Variants in UBE4B observed in about 807,000 individuals in gnomAD.
UBE4B encodes ubiquitin conjugation factor E4 B.
Under a neutral mutation model 148.1 loss-of-function variants are expected in UBE4B, and 27 were observed. The ratio of observed to expected loss-of-function variants is 0.18; its 90% CI spans 0.13 to 0.25. The LOEUF is 0.25. UBE4B is among the 10% of genes least tolerant of loss of function. UBE4B has a pLI of 1.00. For synonymous variants in UBE4B, 596 were observed against 619.3 expected (o/e 0.96, Z 0.56); for missense variants, 1,170 against 1,662.4 (o/e 0.70, Z 5.15).
At chr1:10,094,029 C>T (rs1644891194) in intron 2 of UBE4B, among the ~76,000 whole-genome samples, 1 of 152,086 alleles carries the variant, frequency 6.6e-6, no homozygotes, top group South Asian at 2.1e-4. Context: ...TTTTCCTTTT[C>T]AGCACCATAG....
At position 10,106,457 on chromosome 1, in the gene UBE4B, C is replaced by A. The variant is rs1284141946; in HGVS notation, c.1070C>A (p.Ala357Asp). ...LSSSPSPPAL[A>D]SSPQAVPASS... The stretch of plus-strand genomic sequence containing the variant: ...AGCTCCCCAAGTCCCCCTGCCCTCG[C>A]CAGTAGCCCCCAAGCAGTGCCCGCC... The change falls in exon 7 of 28, where the codon GCC (alanine) becomes GAC (aspartate). Residue 357 changes from alanine to aspartate, a missense_variant. Coordinates refer to ENST00000343090, the MANE Select transcript of UBE4B (RefSeq NM_001105562.3). The surrounding 1 kb of genome is among the most constrained non-coding windows in gnomAD (Gnocchi z 4.2). The A allele has an allele frequency of 6.2e-7, 1 of 1,614,026 alleles. No homozygotes were observed. Among genetic ancestry groups the A allele is most frequent in the Non-Finnish European group, 8.5e-7 (1 of 1,180,004 alleles).
chr1:10,120,306 A>G (rs932615426), intron 9 of UBE4B, among the ~76,000 whole-genome samples: 12 of 152,158 alleles, frequency 7.9e-5, no homozygotes, highest in Non-Finnish European at 1.2e-4. Context: ...GGATCACCTG[A>G]GGTCAGGAGT....
intron 19 of UBE4B, 69 bp downstream of exon 19, chr1:10,147,159 A>G (rs1341664820): frequency 2.5e-6 from 4 of 1,600,546 alleles, no homozygotes; most frequent in African/African-American, 1.3e-5. Flanking sequence ...TTGTCCTTCA[A>G]AGTTGATAAC....
intron 1 of UBE4B, among the ~76,000 whole-genome samples, chr1:10,036,792 A>G (rs1355560430): frequency 6.6e-6 from 1 of 152,192 alleles, no homozygotes; most frequent in Non-Finnish European, 1.5e-5. Context: ...ACAAAATAAT[A>G]CACTTATATT....
At chr1:10,074,574 G>T (rs964140535) in intron 2 of UBE4B, among the ~76,000 whole-genome samples, 2 of 152,104 alleles carry the variant, frequency 1.3e-5, no homozygotes, top group Non-Finnish European at 2.9e-5. Flanking sequence ...TGGTTGCTCT[G>T]TGGTTGCTCT....
chr1:10,132,264 G>A (rs572808582), intron 14 of UBE4B, 105 bp from the exon 15 acceptor site: 332 of 729,264 alleles, frequency 4.6e-4, no homozygotes, highest in Non-Finnish European at 6.7e-4. Context: ...AGTAGAAGTG[G>A]GAGAGGAGAG....
chr1:10,106,463 G>T lies in UBE4B; in HGVS notation c.1076G>T (p.Ser359Ile), dbSNP rs569201111. 6.2e-7 allele frequency: 1 copy of T among 1,613,924 alleles called. No homozygotes were observed. Among genetic ancestry groups the T allele is most frequent in the Non-Finnish European group, 8.5e-7 (1 of 1,179,996 alleles). ...SSPSPPALASSPQAVPASSSR... is the reference protein window; with the variant it reads ...SSPSPPALASIPQAVPASSSR... Reference sequence around the variant, plus strand: ...CCAAGTCCCCCTGCCCTCGCCAGTAGCCCCCAAGCAGTGCCCGCCAGCAGT... The same window carrying T: ...CCAAGTCCCCCTGCCCTCGCCAGTATCCCCCAAGCAGTGCCCGCCAGCAGT... Residue 359 changes from serine (S) to isoleucine (I), a missense_variant, in exon 7 of 28, where the codon AGC becomes ATC. Transcript: ENST00000343090. The surrounding 1 kb of genome is among the most constrained non-coding windows in gnomAD (Gnocchi z 4.2).
intron 1 of UBE4B, among the ~76,000 whole-genome samples, chr1:10,066,778 C>T (rs1416708385): frequency 3.3e-5 from 5 of 151,782 alleles, no homozygotes; most frequent in African/African-American, 7.3e-5. Context: ...TTTTGGCAGG[C>T]GCCTGTAGTC....
Position 10,114,069 on chromosome 1 carries a change from A to AC in UBE4B, c.1197-3390_1197-3389insC, listed in dbSNP as rs1365229211. Among the ~76,000 whole-genome samples the AC allele has an allele frequency of 1.4e-4, 21 of 150,170 alleles. No individual in the cohort carries two copies. In the East Asian group the frequency reaches 3.9e-3, roughly 28 times the overall value. ...GACAGAGCGAGACTCCGTCTCAAAA[A>AC]AAAAAAAAAGAAAAAAAAAAAAAAA... On this transcript the variant is annotated intron_variant, in intron 7 of 27. Transcript: ENST00000343090.
intron 1 of UBE4B, among the ~76,000 whole-genome samples, chr1:10,039,079 AACAC>A (rs766435445): frequency 5.4e-4 from 82 of 150,776 alleles, no homozygotes; most frequent in African/African-American, 1.3e-3. Context: ...CAAACAAAAA[AACAC>A]ACACACAGAA....
intron 3 of UBE4B, among the ~76,000 whole-genome samples, chr1:10,100,165 AT>A (rs1644987198): frequency 6.6e-6 from 1 of 151,300 alleles, no homozygotes; most frequent in African/African-American, 2.4e-5. Context: ...AATTTTTTGT[AT>A]TTTTTAGTAG....
At chr1:10,076,436 G>GT (rs1158885054) in intron 2 of UBE4B, among the ~76,000 whole-genome samples, 3 of 151,948 alleles carry the variant, frequency 2.0e-5, no homozygotes, top group African/African-American at 7.2e-5. Flanking sequence ...TAGAGATGGG[G>GT]TTTCGCCATG....
At position 10,151,473 on chromosome 1, in the gene UBE4B, G is replaced by C; in HGVS notation, c.2838G>C (p.Gln946His). ...EVMFMTNPAV[Q>H]PRTQKFFEMI... ...TGTTTATGACCAACCCTGCTGTTCA[G>C]CCACGAACCCAGAAGTTTTTTGAAA... Residue 946 changes from glutamine (Q) to histidine (H), a missense_variant, in exon 21 of 28, where the codon CAG (glutamine) becomes CAC (histidine). By Grantham distance (24) the Gln-to-His change is conservative. This residue lies in a region of UBE4B where 348 missense variants were observed against 627.2 expected (regional missense o/e 0.55). Transcript: ENST00000343090. 6.2e-7 allele frequency: 1 copy of C among 1,614,134 alleles called. No homozygotes were observed. Among genetic ancestry groups the C allele is most frequent in the South Asian group, 1.1e-5 (1 of 91,086 alleles).
chr1:10,119,966 T>C (rs1396946555), intron 9 of UBE4B, among the ~76,000 whole-genome samples: 1 of 152,170 alleles, frequency 6.6e-6, no homozygotes, highest in Admixed American at 6.5e-5. Flanking sequence ...AATGTGTAGA[T>C]CATCACCTTC....
intron 21 of UBE4B, among the ~76,000 whole-genome samples, chr1:10,157,332 G>T (rs1184936660): frequency 6.6e-6 from 1 of 151,154 alleles, no homozygotes; most frequent in South Asian, 2.2e-4. Flanking sequence ...TAAAAAATAA[G>T]CCACGCGTGG....
In UBE4B at chr1:10,135,001, T is replaced by C. The variant is rs1334623481; in HGVS notation, c.2039T>C (p.Leu680Ser). The C allele has an allele frequency of 6.2e-7, 1 of 1,613,990 alleles. No individual in the cohort carries two copies. The highest frequency in any genetic ancestry group is 1.3e-5 in the African/African-American group (1 of 74,932). ...KKAQMQTDDR[L>S]VSTDGFMLNF... is the part of the protein sequence containing the mutation. ...CAACTTTCACAGACAGATGATAGAT[T>C]GGTGTCTACAGATGGATTTATGCTG... is the stretch of plus-strand genomic sequence containing the variant. Residue 680 changes from leucine (L) to serine (S), a missense_variant, in exon 16 of 28, where the codon TTG becomes TCG. Coordinates refer to ENST00000343090, the MANE Select transcript of UBE4B (RefSeq NM_001105562.3).
At chr1:10,090,948 T>C (rs1644838431) in intron 2 of UBE4B, among the ~76,000 whole-genome samples, 2 of 152,328 alleles carry the variant, frequency 1.3e-5, no homozygotes, top group African/African-American at 4.8e-5. Context: ...CTTACAGACA[T>C]GAAATTTTTA....
intron 1 of UBE4B, among the ~76,000 whole-genome samples, chr1:10,066,487 A>G (rs1644390584): frequency 6.6e-6 from 1 of 152,010 alleles, no homozygotes; most frequent in Admixed American, 6.6e-5. Flanking sequence ...TGATGTTTGG[A>G]TGTAAATGCA....
At chr1:10,117,636 C>G (rs376444317) in intron 8 of UBE4B, 36 bp downstream of exon 8, 110 of 1,503,560 alleles carry the variant, frequency 7.3e-5, no homozygotes, top group Admixed American at 9.3e-5. Flanking sequence ...AAAAAAAAAG[C>G]CTAGTTATTT....
Sources: allele counts gnomAD v4.1 joint callset (sites outside exome capture counted in the v4.1 genomes callset), GRCh38; gene constraint gnomAD v4.1.1; regional missense constraint gnomAD v4.1.1; non-coding constraint Gnocchi (gnomAD v3.1); transcripts MANE v1.5; gene names NCBI Gene and HGNC (gene_info 2026-07-23, HGNC 2026-07-21).